Variants in HMCN1 observed in about 807,000 individuals in gnomAD.
HMCN1 encodes the protein hemicentin-1.
Under a neutral mutation model 625.9 loss-of-function variants are expected in HMCN1, and 321 were observed. The ratio of observed to expected loss-of-function variants is 0.51; its 90% CI spans 0.47 to 0.56. The LOEUF is 0.56. Among genes scored for constraint, HMCN1 ranks in the 20% least tolerant of loss-of-function variants. The pLI is 0.00. For synonymous variants in HMCN1, 2,425 were observed against 2,417.6 expected (o/e 1.00, Z -0.09); for missense variants, 6,588 against 6,887.3 (o/e 0.96, Z 1.54).
chr1:185,991,426 A>G (rs1351731882), intron 22 of HMCN1, among the ~76,000 whole-genome samples: 1 of 152,164 alleles, frequency 6.6e-6, no homozygotes, highest in Non-Finnish European at 1.5e-5. Flanking sequence ...CCCTCTTCCC[A>G]GGGGCAAACG....
At chr1:186,100,339 C>T (rs534982107) in intron 68 of HMCN1, among the ~76,000 whole-genome samples, 1 of 152,170 alleles carries the variant, frequency 6.6e-6, no homozygotes, top group Admixed American at 6.5e-5. Context: ...TGAAGCAGTG[C>T]TACCACTCAG....
At chr1:186,075,723 C>G (rs1041989273) in intron 53 of HMCN1, among the ~76,000 whole-genome samples, 1 of 152,076 alleles carries the variant, frequency 6.6e-6, no homozygotes, top group Non-Finnish European at 1.5e-5. Flanking sequence ...TTTAACCAGA[C>G]TTCTATTGTT....
intron 68 of HMCN1, 74 bp downstream of exon 68, chr1:186,095,595 T>A: frequency 1.3e-6 from 2 of 1,487,010 alleles, no homozygotes; most frequent in Non-Finnish European, 9.1e-7. Context: ...ATAAGTATAA[T>A]TCTGAGAATC....
At chr1:185,930,020 T>TTG (rs1667463184) in intron 10 of HMCN1, among the ~76,000 whole-genome samples, 1 of 152,144 alleles carries the variant, frequency 6.6e-6, no homozygotes, top group African/African-American at 2.4e-5. Flanking sequence ...TTCAGACATC[T>TTG]TGCATAAATA....
At chr1:186,140,594 A>C (rs1287274866) in intron 89 of HMCN1, among the ~76,000 whole-genome samples, 1 of 152,158 alleles carries the variant, frequency 6.6e-6, no homozygotes, top group African/African-American at 2.4e-5. Flanking sequence ...TTCTATTATT[A>C]ATAAGTATTT....
rs182468717 is a variant in HMCN1 at position 185,865,844 on chromosome 1, A to G, written c.602A>G (p.Asp201Gly). 940 of 1,613,652 alleles carry G rather than the reference A, an allele frequency of 5.8e-4. 1 individual carries two copies. Among genetic ancestry groups the G allele is most frequent in the Non-Finnish European group, 7.7e-4 (910 of 1,179,866 alleles). The change falls in exon 4 of 107, where the codon GAC (aspartate) becomes GGC (glycine). Residue 201 changes from aspartate to glycine, a missense_variant. This residue lies in a region of HMCN1 where 4,628 missense variants were observed against 4,853.1 expected (regional missense o/e 0.95). Coordinates refer to ENST00000271588, the MANE Select transcript of HMCN1 (RefSeq NM_031935.3). ...STSSGQVFHL[D>G]KKQVNEVLKW... is the part of the protein sequence containing the mutation. ...AGTTCTGGTCAAGTGTTCCATCTGG[A>G]CAAAAAACAAGTTAATGAGGTCAGT...
At chr1:186,067,801 T>TA (rs1658223789) in intron 49 of HMCN1, 33 bp from the exon 50 acceptor site, 1 of 1,479,926 alleles carries the variant, frequency 6.8e-7, no homozygotes, top group South Asian at 1.1e-5. Context: ...AATTTCTACA[T>TA]ATATTTCTTC....
chr1:185,833,077 G>C (rs1005600669), intron 1 of HMCN1, among the ~76,000 whole-genome samples: 4 of 151,968 alleles, frequency 2.6e-5, no homozygotes, highest in African/African-American at 9.7e-5. Flanking sequence ...TTGTTATTTT[G>C]TCTCTTTGCT....
chr1:185,815,138 C>A (rs560466960), intron 1 of HMCN1, among the ~76,000 whole-genome samples: 2 of 150,300 alleles, frequency 1.3e-5, no homozygotes, highest in Non-Finnish European at 2.9e-5. Flanking sequence ...AGTGATTTTA[C>A]ATGTATAATG....
rs371880048 is a variant in HMCN1, at chr1:186,117,164, C to A, written c.11683+49C>A. ...TTGAAACATGATAATGCTATCACTT[C>A]GTTATTCTACTACTTTACAAAAGGG... On this transcript the variant is annotated intron_variant, in intron 76 of 106. Coordinates refer to ENST00000271588, the MANE Select transcript of HMCN1 (RefSeq NM_031935.3). The A allele has an allele frequency of 1.9e-6, 3 of 1,604,394 alleles. No individual in the cohort carries two copies. In the South Asian group the frequency reaches 3.3e-5, roughly 18 times the overall value.
At chr1:185,821,591 A>G (rs940765319) in intron 1 of HMCN1, among the ~76,000 whole-genome samples, 3 of 152,156 alleles carry the variant, frequency 2.0e-5, no homozygotes, top group Admixed American at 6.6e-5. Context: ...GTCTGATGAC[A>G]ATTATACTCA....
At chr1:185,810,415 C>T (rs979920272) in intron 1 of HMCN1, among the ~76,000 whole-genome samples, 1 of 152,108 alleles carries the variant, frequency 6.6e-6, no homozygotes, top group Non-Finnish European at 1.5e-5. Context: ...GATTCACAGA[C>T]ATCACATTAA....
Position 186,055,509 on chromosome 1 carries a change from A to G in HMCN1, c.6979A>G (p.Met2327Val), listed in dbSNP as rs769342442. ...QGIPPPTVTW[M>V]KDGHPLIKAK... ...TATTCCACCACCAACAGTGACCTGG[A>G]TGAAAGATGGCCACCCCTTGATCAA... is the stretch of plus-strand genomic sequence containing the variant. The change falls in exon 45 of 107, where the codon ATG becomes GTG. Residue 2327 changes from methionine to valine, a missense_variant. Coordinates refer to ENST00000271588, the MANE Select transcript of HMCN1 (RefSeq NM_031935.3). The G allele has an allele frequency of 1.2e-6, 2 of 1,612,998 alleles. No homozygotes were observed. Among genetic ancestry groups the G allele is most frequent in the East Asian group, 2.2e-5 (1 of 44,792 alleles).
chr1:186,181,084 T>A (rs755045325), intron 104 of HMCN1, among the ~76,000 whole-genome samples: 15 of 152,174 alleles, frequency 9.9e-5, no homozygotes, highest in Non-Finnish European at 1.9e-4. Flanking sequence ...GGGGGTAGTG[T>A]AAAATTCATG....
chr1:185,982,411 G>A (rs1651705977), intron 18 of HMCN1, 22 bp downstream of exon 18: 4 of 1,600,750 alleles, frequency 2.5e-6, no homozygotes, highest in Middle Eastern at 3.3e-4. Flanking sequence ...TTAAATGCAT[G>A]CATTCACATT....
chr1:185,792,194 G>C (rs757436227), intron 1 of HMCN1, among the ~76,000 whole-genome samples: 54 of 152,282 alleles, frequency 3.5e-4, no homozygotes, highest in Middle Eastern at 3.4e-3. Flanking sequence ...CTTGTAAGGG[G>C]CCATCACCAT....
intron 1 of HMCN1, among the ~76,000 whole-genome samples, chr1:185,781,866 G>T (rs2102176024): frequency 6.6e-6 from 1 of 152,302 alleles, no homozygotes; most frequent in African/African-American, 2.4e-5. Context: ...TATTAGGTCT[G>T]CTTGGTGCAG....
At chr1:186,106,233 G>A (rs940313131) in intron 69 of HMCN1, among the ~76,000 whole-genome samples, 6 of 152,210 alleles carry the variant, frequency 3.9e-5, no homozygotes, top group Admixed American at 2.0e-4. Context: ...ACATGTACAC[G>A]ATCATGGGTT....
chr1:185,810,435 G>T (rs1006962242), intron 1 of HMCN1, among the ~76,000 whole-genome samples: 18 of 152,140 alleles, frequency 1.2e-4, no homozygotes, highest in Non-Finnish European at 4.4e-5. Context: ...ATGACTGAAA[G>T]TGAAACTCAG....
Sources: allele counts gnomAD v4.1 joint callset (sites outside exome capture counted in the v4.1 genomes callset), GRCh38; gene constraint gnomAD v4.1.1; regional missense constraint gnomAD v4.1.1; transcripts MANE v1.5; gene names NCBI Gene and HGNC (gene_info 2026-07-23, HGNC 2026-07-21).